Variants in TMEM123 observed in about 807,000 individuals in gnomAD.
TMEM123 encodes the protein transmembrane protein 123, also known as porimin.
In TMEM123, 16 loss-of-function variants were observed where a neutral mutation model predicts 19.7. The observed-to-expected ratio is 0.81, with a 90% CI of 0.55 to 1.23. The LOEUF is 1.23. Among genes scored for constraint, TMEM123 ranks in the 50% most tolerant of loss-of-function variants. The probability of loss-of-function intolerance (pLI) is 0.00; values close to 1 mark genes in which losing one functional copy is unlikely to be tolerated. For synonymous variants in TMEM123, 118 were observed against 99.4 expected (o/e 1.19, Z -1.12); for missense variants, 313 against 257.8 (o/e 1.21, Z -1.47).
chr11:102,452,550 G>A lies in TMEM123; in HGVS notation c.74C>T (p.Ala25Val). 6.4e-7 allele frequency: 1 copy of A among 1,564,482 alleles called. No homozygotes were observed. ...GTLQVLALLG[A>V]AHESAAMAAS... ...CGCCATGGCTGCGCTTTCATGGGCG[G>A]CCCCCAGCAGCGCTAGCACCTGCAG... The change falls in exon 1 of 5, where the codon GCC becomes GTC. Residue 25 changes from alanine to valine, a missense_variant. Physicochemically the swap from Ala to Val is moderately conservative, Grantham distance 64. Transcript: ENST00000398136.
chr11:102,430,582 C>G (rs1441953518), intron 2 of TMEM123, among the ~76,000 whole-genome samples: 4 of 152,128 alleles, frequency 2.6e-5, no homozygotes, highest in Admixed American at 2.0e-4. Flanking sequence ...AAGAGCTCTT[C>G]AGGTAGTGAG....
At chr11:102,408,214 G>A (rs1951972312) in intron 2 of TMEM123, among the ~76,000 whole-genome samples, 1 of 152,140 alleles carries the variant, frequency 6.6e-6, no homozygotes, top group African/African-American at 2.4e-5. Context: ...TTCCTTCCCA[G>A]CAGCTGCAGT....
In TMEM123 at chr11:102,398,877, G is replaced by A. The variant is rs1287782658; in HGVS notation, c.617C>T (p.Ala206Val). 6.2e-7 allele frequency: 1 copy of A among 1,610,364 alleles called. No individual in the cohort carries two copies. Among genetic ancestry groups the A allele is most frequent in the Non-Finnish European group, 8.5e-7 (1 of 1,178,808 alleles). ...GGTCCATGGATTTCCTTAAATGATG[G>A]CATCATGTTCATCTCTGTAATATAT... is the stretch of plus-strand genomic sequence containing the variant. Reference protein sequence around the residue: ...IRYRTIDEHDAII With the variant: ...IRYRTIDEHDVII Residue 206 changes from alanine to valine, a missense_variant, in exon 5 of 5, where the codon GCC becomes GTC. By Grantham distance (64) the Ala-to-Val change is moderately conservative. Coordinates refer to ENST00000398136, the MANE Select transcript of TMEM123 (RefSeq NM_052932.3).
In TMEM123 at chr11:102,400,042, T is replaced by C. The variant is rs1405596176; in HGVS notation, c.603-1151A>G. Among the ~76,000 whole-genome samples the C allele has an allele frequency of 2.6e-5, 4 of 152,354 alleles. No homozygotes were observed. The East Asian group carries it at 7.7e-4, about 29-fold the overall frequency. ...TTAGTAATATAACTGTTAGATCCAATTTTCATTTATGATGCGATGTTTATT... is the reference window on the plus strand; with the variant it reads ...TTAGTAATATAACTGTTAGATCCAACTTTCATTTATGATGCGATGTTTATT... On this transcript the variant is annotated intron_variant, in intron 4 of 4. Coordinates refer to ENST00000398136, the MANE Select transcript of TMEM123 (RefSeq NM_052932.3).
chr11:102,443,996 A>G (rs1857855193), intron 2 of TMEM123, among the ~76,000 whole-genome samples: 1 of 152,234 alleles, frequency 6.6e-6, no homozygotes, highest in Non-Finnish European at 1.5e-5. Flanking sequence ...CCACAACGAG[A>G]TACCATCTCA....
chr11:102,418,127 C>T (rs961706292), intron 2 of TMEM123, among the ~76,000 whole-genome samples: 3 of 149,922 alleles, frequency 2.0e-5, no homozygotes, highest in Non-Finnish European at 3.0e-5. Flanking sequence ...GGCCATTAGC[C>T]CTGTCAAAGC....
chr11:102,402,390 C>T (rs1951922011), intron 2 of TMEM123, among the ~76,000 whole-genome samples, 184 bp from the exon 3 acceptor site: 1 of 151,616 alleles, frequency 6.6e-6, no homozygotes, highest in Non-Finnish European at 1.5e-5. Context: ...TAGTAAAAGA[C>T]TCAACAGAAA....
chr11:102,441,965 T>C (rs1857831196), intron 2 of TMEM123, among the ~76,000 whole-genome samples: 1 of 152,152 alleles, frequency 6.6e-6, no homozygotes, highest in Non-Finnish European at 1.5e-5. Flanking sequence ...AATGGATAAA[T>C]TCCTGGACAC....
At position 102,396,759 on chromosome 11, in the gene TMEM123, T is replaced by C. The variant is rs1037721090; in HGVS notation, c.*2108A>G. On this transcript the variant is annotated 3_prime_UTR_variant, in exon 5 of 5. Coordinates refer to ENST00000398136, the MANE Select transcript of TMEM123 (RefSeq NM_052932.3). ...ATTTGAAAGTAACAAATTATACTACTTACATACAGAGAAAAAGACATAACT... is the reference window on the plus strand; with the variant it reads ...ATTTGAAAGTAACAAATTATACTACCTACATACAGAGAAAAAGACATAACT... 15 of 152,154 alleles carry C rather than the reference T, an allele frequency of 9.9e-5. No homozygotes were observed. The highest frequency in any genetic ancestry group is 3.6e-4 in the African/African-American group (15 of 41,432). 9.4% of individuals were successfully genotyped at this position (152,154 alleles called of 1,614,324 possible). A position where few individuals can be genotyped will look rare whatever the true frequency, so the allele number is the denominator to read the frequency against.
At chr11:102,439,315 C>T (rs925000762) in intron 2 of TMEM123, among the ~76,000 whole-genome samples, 2 of 152,052 alleles carry the variant, frequency 1.3e-5, no homozygotes, top group Non-Finnish European at 2.9e-5. Context: ...CCCTGACCCC[C>T]GAGAAGCCTA....
In TMEM123 at chr11:102,440,071, G is replaced by C. The variant is rs975555727; in HGVS notation, c.157+8741C>G. Among the ~76,000 whole-genome samples the C allele has an allele frequency of 2.6e-5, 4 of 152,244 alleles. No homozygotes were observed. In the South Asian group the frequency reaches 8.3e-4, roughly 31 times the overall value. ...ATGTGAAAAGACCAAATCTATGTCT[G>C]ATTGGTGTAACTGAAAGTGACGGGG... On this transcript the variant is annotated intron_variant, in intron 2 of 4. Coordinates refer to ENST00000398136, the MANE Select transcript of TMEM123 (RefSeq NM_052932.3).
In TMEM123 at chr11:102,401,651, AT is replaced by A. The variant is rs1951914175; in HGVS notation, c.489del (p.Lys163AsnfsTer13). The stretch of plus-strand genomic sequence containing the variant: ...CCACCAACAAAGCTCCCAGTATCAA[AT>A]TTTGATCCTTTCTTTGCTTCAGAAT... Reference protein sequence around the residue: ...TMHSEAKKGSKFDTGSFVGGI... With the variant: ...TMHSEAKKGSXFDTGSFVGGI... On this transcript the variant is annotated frameshift_variant, in exon 4 of 5. Coordinates refer to ENST00000398136, the MANE Select transcript of TMEM123 (RefSeq NM_052932.3). LOFTEE classifies it high-confidence loss of function. 3 of 1,607,432 alleles carry A rather than the reference AT, an allele frequency of 1.9e-6. No homozygotes were observed. Among genetic ancestry groups the A allele is most frequent in the Non-Finnish European group, 2.5e-6 (3 of 1,178,562 alleles).
chr11:102,411,309 C>T (rs1427153677), intron 2 of TMEM123, among the ~76,000 whole-genome samples: 2 of 152,160 alleles, frequency 1.3e-5, no homozygotes, highest in African/African-American at 4.8e-5. Flanking sequence ...GCGGTGTTCC[C>T]AGAGAGCGTA....
At chr11:102,405,373 C>A (rs1328028834) in intron 2 of TMEM123, among the ~76,000 whole-genome samples, 2 of 151,896 alleles carry the variant, frequency 1.3e-5, no homozygotes, top group Non-Finnish European at 2.9e-5. Flanking sequence ...CTTAATAAGG[C>A]CAAAGGAATT....
intron 2 of TMEM123, among the ~76,000 whole-genome samples, chr11:102,417,791 G>C (rs976322295): frequency 2.4e-4 from 36 of 151,980 alleles, no homozygotes; most frequent in African/African-American, 7.5e-4. Context: ...TACAGAAACT[G>C]ATACACGGAA....
intron 2 of TMEM123, among the ~76,000 whole-genome samples, chr11:102,408,219 T>C (rs1409080211): frequency 6.6e-6 from 1 of 152,182 alleles, no homozygotes; most frequent in Non-Finnish European, 1.5e-5. Flanking sequence ...TCCCAGCAGC[T>C]GCAGTGTTCA....
intron 3 of TMEM123, 33 bp from the exon 4 acceptor site, chr11:102,401,725 C>A: frequency 6.5e-7 from 1 of 1,545,490 alleles, no homozygotes. Flanking sequence ...AGGGCTTTAG[C>A]GTTATTTTTT....
In TMEM123 at chr11:102,396,810, G is replaced by GA. The variant is rs1218375670; in HGVS notation, c.*2056dup. The GA allele has an allele frequency of 2.0e-5, 3 of 152,154 alleles. No homozygotes were observed. Among genetic ancestry groups the GA allele is most frequent in the African/African-American group, 7.2e-5 (3 of 41,436 alleles). The allele number at this position is 152,154 out of a possible 1,614,324, so 9.4% of individuals were successfully genotyped here. On this transcript the variant is annotated 3_prime_UTR_variant, in exon 5 of 5. Transcript: ENST00000398136. ...AAACTACTTCAAACCCAATGCAGAGGAAACTTTCAAGGCAAATGATGACTT... is the reference window on the plus strand; with the variant it reads ...AAACTACTTCAAACCCAATGCAGAGGAAAACTTTCAAGGCAAATGATGACTT...
chr11:102,402,693 T>C (rs1283887308), intron 2 of TMEM123, among the ~76,000 whole-genome samples: 1 of 152,242 alleles, frequency 6.6e-6, no homozygotes, highest in Non-Finnish European at 1.5e-5. Context: ...CCTGGTAGAA[T>C]GGGAAGTCCA....
Sources: allele counts gnomAD v4.1 joint callset (sites outside exome capture counted in the v4.1 genomes callset), GRCh38; gene constraint gnomAD v4.1.1; transcripts MANE v1.5; gene names NCBI Gene and HGNC (gene_info 2026-07-23, HGNC 2026-07-21).